Variants in HS6ST3 observed in about 807,000 individuals in gnomAD.
HS6ST3 encodes heparan-sulfate 6-O-sulfotransferase 3.
In HS6ST3, 12 loss-of-function variants were observed where a neutral mutation model predicts 36.7. That is an observed-to-expected ratio of 0.33 (90% CI 0.21 to 0.53). The LOEUF is 0.53. Among genes scored for constraint, HS6ST3 ranks in the 20% least tolerant of loss-of-function variants. HS6ST3 has a pLI of 0.95. For missense variants in HS6ST3, 584 were observed against 640.9 expected (o/e 0.91, Z 0.96); for synonymous variants, 240 against 257.5 (o/e 0.93, Z 0.65).
chr13:96,810,010 A>G (rs1451131066), intron 1 of HS6ST3, among the ~76,000 whole-genome samples: 1 of 152,198 alleles, frequency 6.6e-6, no homozygotes, highest in African/African-American at 2.4e-5. Context: ...GTACAGGACT[A>G]AGGAAAAAAG....
chr13:96,796,180 A>G (rs1040624026), intron 1 of HS6ST3, among the ~76,000 whole-genome samples: 10 of 152,096 alleles, frequency 6.6e-5, no homozygotes, highest in Admixed American at 2.6e-4. Context: ...ATCACTGAAA[A>G]TGAAATCTTG....
At chr13:96,728,026 C>A (rs1303367153) in intron 1 of HS6ST3, among the ~76,000 whole-genome samples, 1 of 152,138 alleles carries the variant, frequency 6.6e-6, no homozygotes, top group African/African-American at 2.4e-5. Flanking sequence ...GTAATTCTCT[C>A]TTTTCTTATC....
chr13:96,667,438 C>A (rs1328507749), intron 1 of HS6ST3, among the ~76,000 whole-genome samples: 1 of 152,102 alleles, frequency 6.6e-6, no homozygotes, highest in Non-Finnish European at 1.5e-5. Flanking sequence ...AATTGCTTGC[C>A]ATTAGGTTGG....
chr13:96,149,075 A>T (rs1414828874), intron 1 of HS6ST3, among the ~76,000 whole-genome samples: 3 of 152,184 alleles, frequency 2.0e-5, no homozygotes, highest in African/African-American at 4.8e-5. Flanking sequence ...AAAATGGAAT[A>T]GGAAACAATG....
intron 1 of HS6ST3, among the ~76,000 whole-genome samples, chr13:96,689,644 A>G (rs1331862202): frequency 8.5e-6 from 1 of 117,490 alleles, no homozygotes; most frequent in Admixed American, 1.2e-4. Flanking sequence ...GGAGATTGGC[A>G]TATGAAAATA....
intron 1 of HS6ST3, among the ~76,000 whole-genome samples, chr13:96,314,046 C>A (rs1264234307): frequency 6.6e-6 from 1 of 152,040 alleles, no homozygotes; most frequent in Non-Finnish European, 1.5e-5. Context: ...ACCAAAAATA[C>A]AAAAATCAGC....
intron 1 of HS6ST3, among the ~76,000 whole-genome samples, chr13:96,111,791 T>G (rs565605977): frequency 6.6e-6 from 1 of 152,218 alleles, no homozygotes; most frequent in Non-Finnish European, 1.5e-5. Flanking sequence ...GGAATAAGCT[T>G]CGTTAAGGAT....
At chr13:96,674,096 G>A (rs539007646) in intron 1 of HS6ST3, among the ~76,000 whole-genome samples, 272 of 152,158 alleles carry the variant, frequency 1.8e-3, no homozygotes, top group African/African-American at 6.4e-3. Flanking sequence ...CCCCATTGTT[G>A]GAGGAGAATG....
intron 1 of HS6ST3, among the ~76,000 whole-genome samples, chr13:96,504,366 A>T (rs1481396699): frequency 6.6e-6 from 1 of 152,004 alleles, no homozygotes; most frequent in Non-Finnish European, 1.5e-5. Flanking sequence ...GTGTATTGTG[A>T]ATAAGGGTAA....
At chr13:96,116,213 C>T (rs1400893050) in intron 1 of HS6ST3, among the ~76,000 whole-genome samples, 2 of 152,336 alleles carry the variant, frequency 1.3e-5, no homozygotes, top group South Asian at 2.1e-4. Context: ...AGTGCATAGT[C>T]TGTTCACTTA....
intron 1 of HS6ST3, among the ~76,000 whole-genome samples, chr13:96,688,167 A>T (rs1215110875): frequency 6.6e-6 from 1 of 150,434 alleles, no homozygotes; most frequent in Admixed American, 6.7e-5. Context: ...ATGTATACAT[A>T]TGTAACAAAC....
chr13:96,118,334 G>A (rs2053903607), intron 1 of HS6ST3, among the ~76,000 whole-genome samples: 1 of 152,060 alleles, frequency 6.6e-6, no homozygotes, highest in South Asian at 2.1e-4. Flanking sequence ...CAGAGATAAA[G>A]TCGCCATCTA....
At chr13:96,354,595 G>A (rs1213699639) in intron 1 of HS6ST3, among the ~76,000 whole-genome samples, 1 of 152,052 alleles carries the variant, frequency 6.6e-6, no homozygotes, top group Non-Finnish European at 1.5e-5. Context: ...CTGGCCCCAT[G>A]AAGAATTACA....
rs113127556 is a variant in HS6ST3, at chr13:96,826,239, A to G, written c.708-6251A>G. On this transcript the variant is annotated intron_variant, in intron 1 of 1. Coordinates refer to ENST00000376705, the MANE Select transcript of HS6ST3 (RefSeq NM_153456.4). ...CCATATCACCTACCATCACAATCAA[A>G]TGACAAGTGCATTAGAAGATTATAT... Among the ~76,000 whole-genome samples, 880 of 152,328 alleles carry G rather than the reference A, an allele frequency of 5.8e-3. 6 individuals are homozygous for G. Among genetic ancestry groups the G allele is most frequent in the African/African-American group, 0.019 (807 of 41,588 alleles).
chr13:96,530,763 T>A (rs1169620920), intron 1 of HS6ST3, among the ~76,000 whole-genome samples: 2 of 152,226 alleles, frequency 1.3e-5, no homozygotes, highest in Non-Finnish European at 2.9e-5. Context: ...ATCAATCACT[T>A]GGACTACTAC....
At chr13:96,758,333 G>T (rs895083362) in intron 1 of HS6ST3, among the ~76,000 whole-genome samples, 1 of 151,732 alleles carries the variant, frequency 6.6e-6, no homozygotes, top group East Asian at 1.9e-4. Flanking sequence ...GCTGCTAGAG[G>T]TTTATGATTT....
intron 1 of HS6ST3, among the ~76,000 whole-genome samples, chr13:96,486,075 T>A (rs1367216378): frequency 7.0e-6 from 1 of 142,244 alleles, no homozygotes; most frequent in East Asian, 2.1e-4. Flanking sequence ...CCATGTGTTC[T>A]CGTTGTTCAA....
At chr13:96,633,703 GT>G in intron 1 of HS6ST3, among the ~76,000 whole-genome samples, 1 of 152,200 alleles carries the variant, frequency 6.6e-6, no homozygotes, top group Middle Eastern at 3.4e-3. Flanking sequence ...TTGAACGTTT[GT>G]GTTCACCACT....
intron 1 of HS6ST3, among the ~76,000 whole-genome samples, chr13:96,284,517 T>C (rs184608038): frequency 6.6e-6 from 1 of 152,170 alleles, no homozygotes. Context: ...TTCTTCTGCC[T>C]GCTTTTATTC....
Sources: allele counts gnomAD v4.1 joint callset (sites outside exome capture counted in the v4.1 genomes callset), GRCh38; gene constraint gnomAD v4.1.1; transcripts MANE v1.5; gene names NCBI Gene and HGNC (gene_info 2026-07-23, HGNC 2026-07-21).